Variants in SPTBN4 observed in about 807,000 individuals in gnomAD.
The protein encoded by SPTBN4 is spectrin beta chain, non-erythrocytic 4.
Under a neutral mutation model 277.8 loss-of-function variants are expected in SPTBN4, and 96 were observed. The ratio of observed to expected loss-of-function variants is 0.35; its 90% CI spans 0.29 to 0.41. The LOEUF (loss-of-function observed/expected upper bound fraction) is 0.41. SPTBN4 is among the 10% of genes least tolerant of loss of function. The probability of loss-of-function intolerance (pLI) is 1.00; values close to 1 mark genes in which losing one functional copy is unlikely to be tolerated. For missense variants in SPTBN4, 3,006 were observed against 3,595.7 expected (o/e 0.84, Z 4.19); for synonymous variants, 1,481 against 1,580.3 (o/e 0.94, Z 1.49).
chr19:40,550,619 C>T (rs947855386), intron 22 of SPTBN4, among the ~76,000 whole-genome samples: 1 of 151,356 alleles, frequency 6.6e-6, no homozygotes, highest in African/African-American at 2.4e-5. Flanking sequence ...TCTCCTGCCT[C>T]AGCCATCCAA....
At chr19:40,563,027 T>C (rs537531878) in intron 27 of SPTBN4, among the ~76,000 whole-genome samples, 25 of 151,392 alleles carry the variant, frequency 1.7e-4, no homozygotes, top group Non-Finnish European at 3.4e-4. Context: ...CTACGCAACA[T>C]AGTGAGACCC....
intron 33 of SPTBN4, chr19:40,570,929 G>A (rs1323800616): frequency 9.1e-6 from 5 of 551,210 alleles, no homozygotes; most frequent in African/African-American, 8.2e-5. Flanking sequence ...GTGGTTTAAC[G>A]TCAGGCCCTC....
chr19:40,534,839 C>G (rs1370958662), intron 20 of SPTBN4: 2 of 169,516 alleles, frequency 1.2e-5, no homozygotes, highest in East Asian at 3.1e-4. Context: ...GGCCCAAGGA[C>G]ACACAGCTAA....
chr19:40,560,313 C>T lies in SPTBN4; in HGVS notation c.5825C>T (p.Ala1942Val), dbSNP rs1359240828. ...EDARLHVSST[A>V]DALRFHSQVR... ...GCCCGCCTGCATGTCAGCTCCACAG[C>T]CGACGCCCTGCGCTTCCACAGCCAA... Residue 1942 changes from alanine (A) to valine (V), a missense_variant, in exon 27 of 36, where the codon GCC becomes GTC. By Grantham distance (64) the Ala-to-Val change is moderately conservative (BLOSUM62 0). Coordinates refer to ENST00000598249, the MANE Select transcript of SPTBN4 (RefSeq NM_020971.3). The surrounding 1 kb of genome is among the most constrained non-coding windows in gnomAD (Gnocchi z 5.2). The T allele has an allele frequency of 6.2e-7, 1 of 1,614,102 alleles. No homozygotes were observed. The highest frequency in any genetic ancestry group is 8.5e-7 in the Non-Finnish European group (1 of 1,180,018).
intron 19 of SPTBN4, among the ~76,000 whole-genome samples, chr19:40,533,683 C>G (rs1407638889): frequency 6.6e-6 from 1 of 151,984 alleles, no homozygotes; most frequent in Non-Finnish European, 1.5e-5. Context: ...TCCTGTCTGT[C>G]TATCCCTCTA....
intron 27 of SPTBN4, among the ~76,000 whole-genome samples, chr19:40,562,247 A>G (rs551294809): frequency 6.6e-6 from 1 of 152,174 alleles, no homozygotes; most frequent in South Asian, 2.1e-4. Flanking sequence ...TGAGAAAAAT[A>G]GGCCGGGCAT....
At chr19:40,558,128 G>A (rs969297128) in intron 26 of SPTBN4, among the ~76,000 whole-genome samples, 3 of 151,880 alleles carry the variant, frequency 2.0e-5, no homozygotes, top group African/African-American at 7.3e-5. Flanking sequence ...GGGAGGTCGA[G>A]GCGGGCAGAT....
Position 40,554,376 on chromosome 19 carries a change from C to T in SPTBN4, c.4904C>T (p.Ala1635Val). 6.3e-7 allele frequency: 1 copy of T among 1,587,212 alleles called. No individual in the cohort carries two copies. Among genetic ancestry groups the T allele is most frequent in the African/African-American group, 1.3e-5 (1 of 74,520 alleles). Reference sequence around the variant, plus strand: ...TACTTCGACGTGGCTGAGGTGGAGGCGTGGCTGGGCGAGCAGGAGCTGCTC... The same window carrying T: ...TACTTCGACGTGGCTGAGGTGGAGGTGTGGCTGGGCGAGCAGGAGCTGCTC... Reference protein sequence around the residue: ...QYYFDVAEVEAWLGEQELLMM... With the variant: ...QYYFDVAEVEVWLGEQELLMM... Residue 1635 changes from alanine to valine, a missense_variant, in exon 23 of 36, where the codon GCG (alanine) becomes GTG (valine). By Grantham distance (64) the Ala-to-Val change is moderately conservative (BLOSUM62 0). This residue lies in a region of SPTBN4 where 1,759 missense variants were observed against 2,061.5 expected (regional missense o/e 0.85). Transcript: ENST00000598249. The surrounding 1 kb of genome is among the most constrained non-coding windows in gnomAD (Gnocchi z 5.7).
At position 40,570,521 on chromosome 19, in the gene SPTBN4, G is replaced by A; in HGVS notation, c.7112G>A (p.Arg2371Gln). The A allele has an allele frequency of 2.0e-6, 3 of 1,474,784 alleles. No individual in the cohort carries two copies. Among genetic ancestry groups the A allele is most frequent in the Middle Eastern group, 1.9e-4 (1 of 5,132 alleles). 91.4% of individuals were successfully genotyped at this position (1,474,784 alleles called of 1,614,324 possible). A position where few individuals can be genotyped will look rare whatever the true frequency, so the allele number is the denominator to read the frequency against. ...ELPERTPRPD[R>Q]PRARDRPKPR... ...CCCGAGCGGACACCTCGGCCGGACC[G>A]GCCCCGGGCGCGGGACCGGCCCAAG... The change falls in exon 33 of 36, where the codon CGG becomes CAG. Residue 2371 changes from arginine (R) to glutamine (Q), a missense_variant. By Grantham distance (43) the Arg-to-Gln change is conservative (BLOSUM62 1). Coordinates refer to ENST00000598249, the MANE Select transcript of SPTBN4 (RefSeq NM_020971.3).
intron 3 of SPTBN4, among the ~76,000 whole-genome samples, chr19:40,488,411 T>C (rs1423795399): frequency 2.0e-5 from 3 of 152,112 alleles, no homozygotes; most frequent in African/African-American, 7.2e-5. Flanking sequence ...GGGTTTCATC[T>C]AAAAGCGTGG....
intron 30 of SPTBN4, 42 bp downstream of exon 30, chr19:40,566,401 A>G: frequency 7.0e-7 from 1 of 1,436,882 alleles, no homozygotes; most frequent in Non-Finnish European, 9.2e-7. Context: ...CACCCCCACC[A>G]AGACCCCCAC....
At chr19:40,569,913 C>T (rs775112306) in intron 32 of SPTBN4, among the ~76,000 whole-genome samples, 187 bp downstream of exon 32, 4 of 147,952 alleles carry the variant, frequency 2.7e-5, no homozygotes, top group Non-Finnish European at 4.5e-5. Flanking sequence ...GGGGCACCTA[C>T]CTAAGAGACC....
In SPTBN4 at chr19:40,519,547, G is replaced by A. The variant is rs2080499368; in HGVS notation, c.3050G>A (p.Gly1017Asp). 6.4e-7 allele frequency: 1 copy of A among 1,573,914 alleles called. No individual in the cohort carries two copies. Among genetic ancestry groups the A allele is most frequent in the African/African-American group, 1.4e-5 (1 of 72,506 alleles). Residue 1017 changes from glycine to aspartate, a missense_variant, in exon 16 of 36, where the codon GGC becomes GAC. Gly to Asp is a moderately conservative substitution (Grantham distance 94, BLOSUM62 -1). Transcript: ENST00000598249. The surrounding 1 kb of genome is among the most constrained non-coding windows in gnomAD (Gnocchi z 5.7). ...GCTGTGGAGAGCGCGCCCCGGGCCG[G>A]CGGCGCCCTGCAGTGGCGTCTTAGC... Reference protein sequence around the residue: ...RRAVESAPRAGGALQWRLSGL... With the variant: ...RRAVESAPRADGALQWRLSGL...
chr19:40,537,261 T>G (rs893325725), intron 20 of SPTBN4, among the ~76,000 whole-genome samples: 6 of 152,128 alleles, frequency 3.9e-5, no homozygotes, highest in Non-Finnish European at 7.4e-5. Flanking sequence ...CGGCCTGCCT[T>G]GGCCTCCCAA....
intron 17 of SPTBN4, among the ~76,000 whole-genome samples, chr19:40,527,586 T>C (rs1382312262): frequency 6.6e-6 from 1 of 152,022 alleles, no homozygotes; most frequent in Non-Finnish European, 1.5e-5. Flanking sequence ...AAGGTGATCT[T>C]TGAGTAGATG....
chr19:40,550,389 G>A, intron 22 of SPTBN4, 62 bp downstream of exon 22: 1 of 1,535,006 alleles, frequency 6.5e-7, no homozygotes, highest in African/African-American at 1.4e-5. Flanking sequence ...AGAAACAGCT[G>A]AAGGTGGTTA....
At chr19:40,516,070 G>GTATA (rs59475372) in intron 15 of SPTBN4, among the ~76,000 whole-genome samples, 3,995 of 133,108 alleles carry the variant, frequency 0.03, 161 homozygotes, top group African/African-American at 0.06. Flanking sequence ...CTATATATAT[G>GTATA]TATATATATA....
Position 40,549,386 on chromosome 19 carries a change from G to C in SPTBN4, c.4557G>C (p.Gln1519His), listed in dbSNP as rs1358161470. The C allele has an allele frequency of 1.3e-6, 2 of 1,520,608 alleles. No homozygotes were observed. Among genetic ancestry groups the C allele is most frequent in the Non-Finnish European group, 1.8e-6 (2 of 1,139,666 alleles). 94.2% of individuals were successfully genotyped at this position (1,520,608 alleles called of 1,614,324 possible). ...TGCTGGCTTCCAAGGAGTTGCACCAGGTGGCGCACGACCTGGACGACGAGC... is the reference window on the plus strand; with the variant it reads ...TGCTGGCTTCCAAGGAGTTGCACCACGTGGCGCACGACCTGGACGACGAGC... ...RLLLASKELH[Q>H]VAHDLDDELA... is the part of the protein sequence containing the mutation. Residue 1519 changes from glutamine to histidine, a missense_variant, in exon 21 of 36, where the codon CAG (glutamine) becomes CAC (histidine). Gln to His is a conservative substitution (Grantham distance 24). Coordinates refer to ENST00000598249, the MANE Select transcript of SPTBN4 (RefSeq NM_020971.3).
At chr19:40,571,064 A>AGGTG (rs1235727272) in intron 33 of SPTBN4, 3 of 271,812 alleles carry the variant, frequency 1.1e-5, no homozygotes. Flanking sequence ...GGTAGAGCTT[A>AGGTG]GGTGGGAACA....
Sources: allele counts gnomAD v4.1 joint callset (sites outside exome capture counted in the v4.1 genomes callset), GRCh38; gene constraint gnomAD v4.1.1; regional missense constraint gnomAD v4.1.1; non-coding constraint Gnocchi (gnomAD v3.1); transcripts MANE v1.5; gene names NCBI Gene and HGNC (gene_info 2026-07-23, HGNC 2026-07-21).